ABCA4: variants seen among roughly 807,000 people sequenced by gnomAD.
ABCA4 encodes retinal-specific phospholipid-transporting ATPase ABCA4.
Under a neutral mutation model 263.7 loss-of-function variants are expected in ABCA4, and 196 were observed. That is an observed-to-expected ratio of 0.74 (90% CI 0.66 to 0.84). ABCA4 has a LOEUF of 0.84. ABCA4 is among the 40% of genes least tolerant of loss of function. ABCA4 has a pLI of 0.00. For synonymous variants in ABCA4, 1,133 were observed against 1,094.2 expected, an observed-to-expected ratio of 1.04 and a Z score of -0.70; for missense variants, 2,792 against 2,855.1, an observed-to-expected ratio of 0.98 and a Z score of 0.50.
rs61754022 is a variant in ABCA4, at chr1:94,062,803, C to T, written c.1761-50G>A. The T allele has an allele frequency of 0.016, 25,909 of 1,585,642 alleles. 255 individuals carry two copies. Among genetic ancestry groups the T allele is most frequent in the Middle Eastern group, 0.028 (166 of 6,014 alleles). ...GATGGGAACGGGCTTGGATAGCTCA[C>T]TCACACCTCCCGACCACAGGGTGAC... is the stretch of plus-strand genomic sequence containing the variant. On this transcript the variant is annotated intron_variant, in intron 12 of 49. Coordinates refer to ENST00000370225, the MANE Select transcript of ABCA4 (RefSeq NM_000350.3).
chr1:94,119,042 C>T (rs1051373023), intron 1 of ABCA4, among the ~76,000 whole-genome samples: 5 of 152,160 alleles, frequency 3.3e-5, no homozygotes, highest in African/African-American at 7.2e-5. Context: ...CTCCGCAGTC[C>T]ACAGATGCCT....
chr1:94,103,226 CT>C lies in ABCA4; in HGVS notation c.443-85del, dbSNP rs1662333606. 2.6e-5 allele frequency: 39 copies of C among 1,524,848 alleles called. No individual in the cohort carries two copies. In the Middle Eastern group the frequency reaches 2.5e-3, roughly 100 times the overall value. 94.5% of individuals were successfully genotyped at this position (1,524,848 alleles called of 1,614,324 possible). A position where few individuals can be genotyped will look rare whatever the true frequency, so the allele number is the denominator to read the frequency against. On this transcript the variant is annotated intron_variant, in intron 4 of 49. Transcript: ENST00000370225. The stretch of plus-strand genomic sequence containing the variant: ...AAACAGCCAGAGTCGATTGGAAACA[CT>C]TGTAACTCAACTCTCAGAGGAAGGT...
chr1:94,107,988 C>T (rs1662489063), intron 4 of ABCA4, among the ~76,000 whole-genome samples: 1 of 152,158 alleles, frequency 6.6e-6, no homozygotes, highest in African/African-American at 2.4e-5. Flanking sequence ...GTAGTCCAGT[C>T]CCTGCCTTCA....
chr1:94,114,318 G>A (rs372154507), intron 1 of ABCA4, among the ~76,000 whole-genome samples: 4 of 152,092 alleles, frequency 2.6e-5, no homozygotes, highest in African/African-American at 4.8e-5. Flanking sequence ...GAAAATGATC[G>A]TGCATTGAAG....
chr1:94,113,926 G>A lies in ABCA4; in HGVS notation c.67-860C>T, dbSNP rs185601748. ...CCACACCCTGTGGCATTGCACATAGGGGTGGGGGTTGGAGATGTGGAATTA... is the reference window on the plus strand; with the variant it reads ...CCACACCCTGTGGCATTGCACATAGAGGTGGGGGTTGGAGATGTGGAATTA... On this transcript the variant is annotated intron_variant, in intron 1 of 49. Transcript: ENST00000370225. 4.7e-3 allele frequency among the ~76,000 whole-genome samples: 713 copies of A among 152,346 alleles called. 3 individuals carry two copies. Among genetic ancestry groups the A allele is most frequent in the Non-Finnish European group, 6.7e-3 (458 of 68,030 alleles).
At chr1:94,097,934 T>G (rs185456162) in intron 6 of ABCA4, among the ~76,000 whole-genome samples, 42 of 152,170 alleles carry the variant, frequency 2.8e-4, no homozygotes, top group Middle Eastern at 6.8e-3. Context: ...GTGTGTGTGT[T>G]TTTTAGTAGA....
chr1:94,116,236 T>G (rs930355886), intron 1 of ABCA4, among the ~76,000 whole-genome samples: 1 of 152,042 alleles, frequency 6.6e-6, no homozygotes, highest in Non-Finnish European at 1.5e-5. Flanking sequence ...ACCTGTGCCC[T>G]CTTCTCATCC....
At chr1:93,996,088 C>G in intron 49 of ABCA4, 21 bp downstream of exon 49, 1 of 1,610,366 alleles carries the variant, frequency 6.2e-7, no homozygotes, top group Non-Finnish European at 8.5e-7. Context: ...AAGCTGTGGA[C>G]TGCATAAGCA....
intron 9 of ABCA4, 95 bp from the exon 10 acceptor site, chr1:94,078,801 T>A: frequency 2.3e-6 from 2 of 876,548 alleles, no homozygotes; most frequent in Non-Finnish European, 3.9e-6. Flanking sequence ...TCACTTAGTG[T>A]TAGGGAAAGG....
chr1:94,074,099 C>T (rs1557792391), intron 11 of ABCA4, among the ~76,000 whole-genome samples: 2 of 152,158 alleles, frequency 1.3e-5, no homozygotes, highest in African/African-American at 4.8e-5. Flanking sequence ...GATAACCAGG[C>T]CTCTTCCCTG....
At chr1:94,089,205 A>G (rs931362122) in intron 6 of ABCA4, among the ~76,000 whole-genome samples, 1 of 152,220 alleles carries the variant, frequency 6.6e-6, no homozygotes, top group African/African-American at 2.4e-5. Flanking sequence ...TTTACTTATG[A>G]AATTATTTGA....
rs754554866 is a variant in ABCA4, at chr1:94,111,478, C to T, written c.262G>A (p.Gly88Arg). Residue 88 changes from glycine to arginine, a missense_variant, in exon 3 of 50, where the codon GGA (glycine) becomes AGA (arginine). Coordinates refer to ENST00000370225, the MANE Select transcript of ABCA4 (RefSeq NM_000350.3). ...NNPCFQSPTP[G>R]ESPGIVSNYN... ...TTTGACACAATTCCAGGAGATTCTC[C>T]TGGGGTGGGGCTTTGAAAACAGGGA... 1 of 1,614,172 alleles carries T rather than the reference C, an allele frequency of 6.2e-7. No homozygotes were observed. The highest frequency in any genetic ancestry group is 8.5e-7 in the Non-Finnish European group (1 of 1,180,032).
intron 11 of ABCA4, among the ~76,000 whole-genome samples, chr1:94,073,587 A>G (rs1278284801): frequency 6.6e-6 from 1 of 152,210 alleles, no homozygotes; most frequent in Non-Finnish European, 1.5e-5. Flanking sequence ...CCTATTAGGT[A>G]AGTGCTATTA....
chr1:94,023,265 T>G, intron 32 of ABCA4, 121 bp downstream of exon 32: 1 of 812,612 alleles, frequency 1.2e-6, no homozygotes, highest in Non-Finnish European at 2.1e-6. Context: ...GTCTTGTGAC[T>G]TCCTGAGCAC....
intron 7 of ABCA4, among the ~76,000 whole-genome samples, chr1:94,081,752 G>T (rs949316336): frequency 6.6e-6 from 1 of 152,194 alleles, no homozygotes; most frequent in Non-Finnish European, 1.5e-5. Context: ...CTCCATGTGG[G>T]CACCCTGTGG....
chr1:94,013,670 T>A (rs779876694), intron 38 of ABCA4, among the ~76,000 whole-genome samples: 23 of 152,108 alleles, frequency 1.5e-4, no homozygotes, highest in Non-Finnish European at 2.9e-4. Context: ...CTTTTTATGA[T>A]TCAGTTTGGC....
chr1:94,005,371 G>T, intron 44 of ABCA4, 70 bp downstream of exon 44: 1 of 1,585,434 alleles, frequency 6.3e-7, no homozygotes, highest in Non-Finnish European at 8.7e-7. Context: ...ATCTCCAAGA[G>T]AATGCACTCT....
At chr1:94,018,451 G>A in intron 36 of ABCA4, 1 of 423,772 alleles carries the variant, frequency 2.4e-6, no homozygotes, top group Non-Finnish European at 4.7e-6. Context: ...TCCTCGTGTA[G>A]ACAGAAGAGA....
At chr1:94,073,574 G>A (rs751624585) in intron 11 of ABCA4, among the ~76,000 whole-genome samples, 27 of 152,086 alleles carry the variant, frequency 1.8e-4, no homozygotes, top group Non-Finnish European at 2.4e-4. Flanking sequence ...TTCTCATAAC[G>A]AGCCTATTAG....
Sources: allele counts gnomAD v4.1 joint callset (sites outside exome capture counted in the v4.1 genomes callset), GRCh38; gene constraint gnomAD v4.1.1; transcripts MANE v1.5; gene names NCBI Gene and HGNC (gene_info 2026-07-23, HGNC 2026-07-21).